Variants in DLGAP2 observed in about 807,000 individuals in gnomAD.
DLGAP2 encodes DLG associated protein 2.
In DLGAP2, 26 loss-of-function variants were observed where a neutral mutation model predicts 100.3. That is an observed-to-expected ratio of 0.26 (90% CI 0.19 to 0.36). The LOEUF (loss-of-function observed/expected upper bound fraction) is 0.36. Ranked by LOEUF, DLGAP2 falls within the 10% of genes least tolerant of loss-of-function variation. The pLI is 1.00. For synonymous variants in DLGAP2, 886 were observed against 630.1 expected (o/e 1.41, Z -6.08); for missense variants, 1,858 against 1,453.2 (o/e 1.28, Z -4.53).
At position 1,678,649 on chromosome 8, in the gene DLGAP2, T is replaced by A; in HGVS notation, c.2704+20T>A. ...AGGAAAGTAAGAGCTCAGGCTTCCC[T>A]AGGGCCTCTTAAATATCATTTCTCA... On this transcript the variant is annotated intron_variant, in intron 12 of 14. Coordinates refer to ENST00000637795, the MANE Select transcript of DLGAP2 (RefSeq NM_001346810.2). The A allele has an allele frequency of 6.8e-7, 1 of 1,478,950 alleles. No homozygotes were observed. Among genetic ancestry groups the A allele is most frequent in the Non-Finnish European group, 9.0e-7 (1 of 1,112,766 alleles). 91.6% of individuals were successfully genotyped at this position (1,478,950 alleles called of 1,614,324 possible). A position where few individuals can be genotyped will look rare whatever the true frequency, so the allele number is the denominator to read the frequency against.
intron 2 of DLGAP2, among the ~76,000 whole-genome samples, chr8:1,181,894 C>G (rs1474488850): frequency 1.3e-5 from 2 of 152,116 alleles, no homozygotes; most frequent in Non-Finnish European, 2.9e-5. Context: ...CCCTGCAATC[C>G]CAGGACGCAT....
At chr8:975,708 T>C (rs991728425) in intron 2 of DLGAP2, among the ~76,000 whole-genome samples, 1 of 152,062 alleles carries the variant, frequency 6.6e-6, no homozygotes, top group African/African-American at 2.4e-5. Flanking sequence ...CTCTACAAAA[T>C]AAGAATACAG....
chr8:1,341,837 T>C (rs920002933), intron 3 of DLGAP2, among the ~76,000 whole-genome samples: 1 of 152,216 alleles, frequency 6.6e-6, no homozygotes, highest in Non-Finnish European at 1.5e-5. Flanking sequence ...CTACAGAACA[T>C]GGACCTGTAG....
chr8:1,123,068 T>C (rs1330790764), intron 2 of DLGAP2, among the ~76,000 whole-genome samples: 2 of 152,238 alleles, frequency 1.3e-5, no homozygotes, highest in South Asian at 2.1e-4. Flanking sequence ...TTCAAATGTA[T>C]TTGAAAATAA....
intron 1 of DLGAP2, among the ~76,000 whole-genome samples, chr8:815,558 C>G (rs1796460603): frequency 6.6e-6 from 1 of 152,164 alleles, no homozygotes; most frequent in Non-Finnish European, 1.5e-5. Context: ...TCTGATGTAT[C>G]TCTGTAAAAT....
intron 1 of DLGAP2, among the ~76,000 whole-genome samples, chr8:747,243 C>T (rs1045252446): frequency 4.6e-5 from 7 of 152,040 alleles, no homozygotes; most frequent in Admixed American, 1.3e-4. Context: ...CTGAGTCTTA[C>T]GGGACTTCTT....
Position 771,155 on chromosome 8 carries a change from T to C in DLGAP2, c.18+33330T>C, listed in dbSNP as rs118033548. Among the ~76,000 whole-genome samples the C allele has an allele frequency of 4.6e-3, 706 of 152,296 alleles. 1 individual carries two copies. The highest frequency in any genetic ancestry group is 7.6e-3 in the Non-Finnish European group (516 of 68,036). On this transcript the variant is annotated intron_variant, in intron 1 of 14. Coordinates refer to ENST00000637795, the MANE Select transcript of DLGAP2 (RefSeq NM_001346810.2). ...AAAATTACCTAATTTATGTCAGTGA[T>C]TGCTAACATTTCCATAAACTCTAAA...
chr8:1,589,869 G>A (rs751200797), intron 6 of DLGAP2, among the ~76,000 whole-genome samples: 4 of 152,286 alleles, frequency 2.6e-5, no homozygotes, highest in East Asian at 3.9e-4. Context: ...TTCTGACCCC[G>A]CAACACCATT....
chr8:946,379 T>C (rs533085697), intron 2 of DLGAP2, among the ~76,000 whole-genome samples: 1 of 151,832 alleles, frequency 6.6e-6, no homozygotes, highest in South Asian at 2.1e-4. Flanking sequence ...TTCTTCTGCC[T>C]CAGACTCCCG....
intron 1 of DLGAP2, among the ~76,000 whole-genome samples, chr8:824,720 G>A (rs1288109964): frequency 1.3e-5 from 2 of 152,104 alleles, no homozygotes; most frequent in Admixed American, 1.3e-4. Flanking sequence ...TAGTGCTAGC[G>A]ATTCAGAGGA....
chr8:840,504 G>A (rs563724134), intron 1 of DLGAP2, among the ~76,000 whole-genome samples: 34 of 118,816 alleles, frequency 2.9e-4, no homozygotes, highest in African/African-American at 1.1e-3. Flanking sequence ...TGGATTCTGC[G>A]AGCGCGTCCA....
At chr8:976,199 A>G (rs1021661425) in intron 2 of DLGAP2, among the ~76,000 whole-genome samples, 5 of 152,230 alleles carry the variant, frequency 3.3e-5, no homozygotes, top group Admixed American at 6.5e-5. Context: ...CATTTTCACG[A>G]TAATAAGTAC....
intron 3 of DLGAP2, among the ~76,000 whole-genome samples, chr8:1,383,892 G>A (rs147924492): frequency 2.0e-5 from 3 of 152,058 alleles, no homozygotes; most frequent in African/African-American, 7.3e-5. Context: ...TGTCTTTGGC[G>A]GTGGACTCTG....
At chr8:882,832 C>T (rs1276665815) in intron 1 of DLGAP2, among the ~76,000 whole-genome samples, 2 of 152,272 alleles carry the variant, frequency 1.3e-5, no homozygotes, top group African/African-American at 4.8e-5. Flanking sequence ...AGCAGCTTTC[C>T]TCTCCGTTCC....
intron 2 of DLGAP2, among the ~76,000 whole-genome samples, chr8:998,939 G>C (rs1035793846): frequency 6.6e-6 from 1 of 152,100 alleles, no homozygotes; most frequent in African/African-American, 2.4e-5. Context: ...CACAGCTGCT[G>C]TTATCCTGAA....
chr8:1,343,412 G>T (rs1801464783), intron 3 of DLGAP2, among the ~76,000 whole-genome samples: 1 of 152,028 alleles, frequency 6.6e-6, no homozygotes, highest in Non-Finnish European at 1.5e-5. Context: ...GTTTTCTTGG[G>T]GTCCATCATG....
At chr8:1,581,556 C>G (rs1221453708) in intron 6 of DLGAP2, among the ~76,000 whole-genome samples, 1 of 144,278 alleles carries the variant, frequency 6.9e-6, no homozygotes, top group African/African-American at 2.6e-5. Context: ...GTCAAACTAC[C>G]AGAAAGATAC....
At chr8:1,605,250 C>G (rs924491985) in intron 6 of DLGAP2, among the ~76,000 whole-genome samples, 6 of 152,196 alleles carry the variant, frequency 3.9e-5, no homozygotes, top group African/African-American at 1.2e-4. Context: ...ACCTCCACTC[C>G]TGTGTTCTGG....
At chr8:1,136,299 G>T (rs74668192) in intron 2 of DLGAP2, among the ~76,000 whole-genome samples, 1 of 151,494 alleles carries the variant, frequency 6.6e-6, no homozygotes, top group Admixed American at 6.6e-5. Context: ...TTCAAACCTC[G>T]TAAAAAAAAA....
Sources: allele counts gnomAD v4.1 joint callset (sites outside exome capture counted in the v4.1 genomes callset), GRCh38; gene constraint gnomAD v4.1.1; transcripts MANE v1.5; gene names NCBI Gene and HGNC (gene_info 2026-07-23, HGNC 2026-07-21).